Variants in FGF14 observed in about 807,000 individuals in gnomAD.
FGF14 encodes fibroblast growth factor 14, also known as fibroblast growth factor homologous factor 4.
Under a neutral mutation model 25.5 loss-of-function variants are expected in FGF14, and 5 were observed. The ratio of observed to expected loss-of-function variants is 0.20; its 90% CI spans 0.10 to 0.41. FGF14 has a LOEUF of 0.41. Ranked by LOEUF, FGF14 falls within the 10% of genes least tolerant of loss-of-function variation. FGF14 has a pLI of 1.00. For synonymous variants in FGF14, 138 were observed against 118.3 expected (o/e 1.17, Z -1.08); for missense variants, 222 against 320.1 (o/e 0.69, Z 2.34).
chr13:101,771,196 C>T (rs982293461), intron 3 of FGF14, among the ~76,000 whole-genome samples: 1 of 152,026 alleles, frequency 6.6e-6, no homozygotes, highest in Non-Finnish European at 1.5e-5. Context: ...CAAGCCCCTA[C>T]AGTGTTAGCT....
intron 3 of FGF14, among the ~76,000 whole-genome samples, chr13:101,752,804 C>G (rs1283716814): frequency 1.3e-5 from 2 of 152,152 alleles, no homozygotes; most frequent in Admixed American, 6.5e-5. Context: ...TTTCATAGAA[C>G]AGCATCCCAA....
At chr13:101,740,659 C>A (rs542645288) in intron 3 of FGF14, among the ~76,000 whole-genome samples, 1 of 150,918 alleles carries the variant, frequency 6.6e-6, no homozygotes, top group Non-Finnish European at 1.5e-5. Flanking sequence ...GTTTTGTATT[C>A]TTGGGCAAAA....
rs55676818 is a variant in FGF14 at position 101,898,341 on chromosome 13, AACACACACAC to A, written c.193+18102_193+18111del. 6.9e-4 allele frequency among the ~76,000 whole-genome samples: 100 copies of A among 144,472 alleles called. 1 individual carries two copies. In the East Asian group the frequency reaches 0.013, roughly 19 times the overall value. 94.8% of individuals were successfully genotyped at this position (144,472 alleles called of 152,430 possible). On this transcript the variant is annotated intron_variant, in intron 1 of 4. Transcript: ENST00000376143. ...ACCTGTATAAAGGCATGAAACATAC[AACACACACAC>A]ACACACACACACACACACACACACA...
chr13:102,313,422 A>G (rs2055870535), intron 1 of FGF14, among the ~76,000 whole-genome samples: 1 of 152,218 alleles, frequency 6.6e-6, no homozygotes, highest in African/African-American at 2.4e-5. Flanking sequence ...TGTTGGAGCC[A>G]GGGAAGGGCA....
At chr13:102,032,141 C>G (rs978280937) in intron 1 of FGF14, among the ~76,000 whole-genome samples, 1 of 152,104 alleles carries the variant, frequency 6.6e-6, no homozygotes, top group Non-Finnish European at 1.5e-5. Flanking sequence ...TCAGACCAAA[C>G]AGCCTGCAGC....
At chr13:101,737,828 T>C (rs1360110101) in intron 3 of FGF14, among the ~76,000 whole-genome samples, 1 of 152,166 alleles carries the variant, frequency 6.6e-6, no homozygotes, top group African/African-American at 2.4e-5. Flanking sequence ...TAGACCTTTA[T>C]ATCAAACATT....
chr13:102,161,667 GAAGAAGAAGAA>G (rs2047748887), intron 1 of FGF14, among the ~76,000 whole-genome samples: 1 of 48,960 alleles, frequency 2.0e-5, no homozygotes, highest in Admixed American at 2.4e-4. Flanking sequence ...AGAAGAAGAA[GAAGAAGAAGAA>G]GAAGAAGAAG....
intron 1 of FGF14, among the ~76,000 whole-genome samples, chr13:102,139,585 G>A (rs773804292): frequency 6.6e-6 from 1 of 152,120 alleles, no homozygotes; most frequent in Non-Finnish European, 1.5e-5. Context: ...CTCCACGGAT[G>A]ACTGCTGTGG....
intron 1 of FGF14, among the ~76,000 whole-genome samples, chr13:102,136,407 C>T (rs1412552564): frequency 6.6e-6 from 1 of 152,164 alleles, no homozygotes; most frequent in Non-Finnish European, 1.5e-5. Flanking sequence ...GAGCCACCGA[C>T]TGGACTCAGG....
intron 1 of FGF14, among the ~76,000 whole-genome samples, chr13:102,089,367 A>G (rs2044067952): frequency 6.6e-6 from 1 of 152,228 alleles, no homozygotes; most frequent in Non-Finnish European, 1.5e-5. Context: ...TATTTCAAAC[A>G]GAGGGAAGCA....
chr13:102,309,917 C>A (rs1293668476), intron 1 of FGF14, among the ~76,000 whole-genome samples: 4 of 152,170 alleles, frequency 2.6e-5, no homozygotes, highest in African/African-American at 9.7e-5. Context: ...GCAATCTCAT[C>A]TGGATAGAAA....
chr13:101,956,780 AAAAG>A (rs1555327656), intron 1 of FGF14, among the ~76,000 whole-genome samples: 2 of 151,406 alleles, frequency 1.3e-5, no homozygotes, highest in Admixed American at 6.6e-5. Flanking sequence ...AAAAAAAAAA[AAAAG>A]AAAAAGTAAA....
At chr13:101,910,078 C>A (rs2032739279) in intron 1 of FGF14, among the ~76,000 whole-genome samples, 1 of 151,196 alleles carries the variant, frequency 6.6e-6, no homozygotes, top group South Asian at 2.1e-4. Flanking sequence ...GAACATCACA[C>A]ACGAGGGCCT....
chr13:101,894,818 A>G (rs975289945), intron 1 of FGF14, among the ~76,000 whole-genome samples: 6 of 152,186 alleles, frequency 3.9e-5, no homozygotes, highest in Admixed American at 2.0e-4. Context: ...ACTGACAAAG[A>G]TATTGTTGCT....
chr13:101,977,024 T>C (rs542647029), intron 1 of FGF14, among the ~76,000 whole-genome samples: 7 of 152,204 alleles, frequency 4.6e-5, no homozygotes, highest in East Asian at 3.9e-4. Flanking sequence ...AACTTTCCTA[T>C]TGTCAGTTAC....
chr13:101,877,917 C>T (rs1038348986), intron 1 of FGF14, among the ~76,000 whole-genome samples: 6 of 152,066 alleles, frequency 3.9e-5, no homozygotes, highest in African/African-American at 9.7e-5. Context: ...ATGCATCTTC[C>T]GCATCTCTCG....
intron 1 of FGF14, among the ~76,000 whole-genome samples, chr13:102,107,548 A>C (rs1485823967): frequency 6.6e-6 from 1 of 152,220 alleles, no homozygotes; most frequent in Non-Finnish European, 1.5e-5. Context: ...AAAAACAAGA[A>C]AAATGCCAGT....
chr13:101,997,539 C>A (rs1050565838), intron 1 of FGF14, among the ~76,000 whole-genome samples: 8 of 152,192 alleles, frequency 5.3e-5, no homozygotes, highest in African/African-American at 1.9e-4. Flanking sequence ...TGCTTAAAAT[C>A]ATGCTTAAAA....
chr13:102,203,995 T>C (rs749481897), intron 1 of FGF14, among the ~76,000 whole-genome samples: 2 of 152,210 alleles, frequency 1.3e-5, no homozygotes, highest in Non-Finnish European at 2.9e-5. Context: ...CCAGGTACTA[T>C]AGATGGCCAA....
Sources: gnomAD v4.1 joint callset for allele counts (sites outside exome capture counted in the v4.1 genomes callset) on GRCh38, gnomAD v4.1.1 for gene constraint, MANE v1.5 for transcripts, NCBI Gene and HGNC (gene_info 2026-07-23, HGNC 2026-07-21) for gene names.